The following ATP8A1 variants were observed in gnomAD, a reference collection of about 807,000 sequenced individuals.
ATP8A1 encodes the protein phospholipid-transporting ATPase IA.
A neutral mutation model predicts 177.7 loss-of-function variants in ATP8A1; 90 were observed. The observed-to-expected ratio is 0.51, with a 90% CI of 0.43 to 0.60. The LOEUF (loss-of-function observed/expected upper bound fraction) is 0.60. Ranked by LOEUF, ATP8A1 falls within the 20% of genes least tolerant of loss-of-function variation. The pLI, the probability that ATP8A1 is intolerant of heterozygous loss-of-function variation, is 0.00. For synonymous variants in ATP8A1, 493 were observed against 485.9 expected (o/e 1.01, Z -0.19); for missense variants, 1,072 against 1,392.8 (o/e 0.77, Z 3.67).
At chr4:42,462,317 T>C (rs1474550364) in intron 27 of ATP8A1, among the ~76,000 whole-genome samples, 2 of 152,074 alleles carry the variant, frequency 1.3e-5, no homozygotes, top group Admixed American at 1.3e-4. Flanking sequence ...AAGGAAAAAG[T>C]GGTTTTCTGG....
At chr4:42,555,244 C>T (rs1730084443) in intron 16 of ATP8A1, among the ~76,000 whole-genome samples, 1 of 150,502 alleles carries the variant, frequency 6.6e-6, no homozygotes, top group African/African-American at 2.5e-5. Context: ...CAGTCAGTAA[C>T]TTCATAAGCA....
At chr4:42,594,429 G>T in intron 6 of ATP8A1, 1 of 897,242 alleles carries the variant, frequency 1.1e-6, no homozygotes, top group Non-Finnish European at 1.8e-6. Flanking sequence ...ACAACCCATT[G>T]TAAAAAGCAT....
At chr4:42,511,616 A>G (rs1224072447) in intron 22 of ATP8A1, among the ~76,000 whole-genome samples, 1 of 152,206 alleles carries the variant, frequency 6.6e-6, no homozygotes, top group Non-Finnish European at 1.5e-5. Flanking sequence ...TTCCTAATGT[A>G]TGCAGAATTT....
chr4:42,606,030 C>T (rs752911763), intron 5 of ATP8A1, among the ~76,000 whole-genome samples: 1 of 152,184 alleles, frequency 6.6e-6, no homozygotes, highest in Non-Finnish European at 1.5e-5. Context: ...CATGGACATT[C>T]TTGTTTTTTC....
At chr4:42,415,182 TA>T (rs1341542522) in intron 35 of ATP8A1, 5 of 152,940 alleles carry the variant, frequency 3.3e-5, no homozygotes, top group African/African-American at 1.2e-4. Context: ...ATTTTTTAGT[TA>T]AAAATATTAA....
At chr4:42,556,463 T>C (rs1441865748) in intron 15 of ATP8A1, among the ~76,000 whole-genome samples, 4 of 152,196 alleles carry the variant, frequency 2.6e-5, no homozygotes, top group Admixed American at 6.5e-5. Context: ...GAGAAATCTT[T>C]ATATGTAGTG....
intron 11 of ATP8A1, among the ~76,000 whole-genome samples, chr4:42,578,719 A>T (rs1732722481): frequency 6.6e-6 from 1 of 152,166 alleles, no homozygotes; most frequent in African/African-American, 2.4e-5. Context: ...AATTGGGTAG[A>T]ATCACTTTTA....
chr4:42,414,801 T>C, intron 35 of ATP8A1, 83 bp from the exon 36 acceptor site: 5 of 998,754 alleles, frequency 5.0e-6, no homozygotes, highest in Non-Finnish European at 8.0e-6. Flanking sequence ...CAAAGAGAGT[T>C]AGACTTAAAC....
At chr4:42,457,663 C>A (rs540352388) in intron 27 of ATP8A1, among the ~76,000 whole-genome samples, 1 of 152,190 alleles carries the variant, frequency 6.6e-6, no homozygotes, top group Non-Finnish European at 1.5e-5. Flanking sequence ...TATATGTGGG[C>A]AAACATTAGT....
intron 25 of ATP8A1, among the ~76,000 whole-genome samples, chr4:42,476,746 G>T (rs1263759114): frequency 3.3e-5 from 5 of 152,210 alleles, no homozygotes; most frequent in African/African-American, 1.2e-4. Context: ...TTAAGGAAGG[G>T]TATCACAGGC....
chr4:42,501,193 A>G (rs1051610562), intron 24 of ATP8A1, among the ~76,000 whole-genome samples: 1 of 152,242 alleles, frequency 6.6e-6, no homozygotes, highest in African/African-American at 2.4e-5. Context: ...AAAGTAAAAG[A>G]TGAGGAAATA....
At chr4:42,472,051 G>C in intron 25 of ATP8A1, 1 of 720,226 alleles carries the variant, frequency 1.4e-6, no homozygotes, top group Non-Finnish European at 2.6e-6. Context: ...TGGCTAGTAC[G>C]TGAATTGGAG....
At chr4:42,573,626 T>G (rs1005508147) in intron 14 of ATP8A1, among the ~76,000 whole-genome samples, 1 of 152,218 alleles carries the variant, frequency 6.6e-6, no homozygotes, top group African/African-American at 2.4e-5. Flanking sequence ...TTTATAGTCA[T>G]TTTTAGTCAT....
intron 33 of ATP8A1, 46 bp from the exon 34 acceptor site, chr4:42,423,751 C>A: frequency 7.8e-7 from 1 of 1,277,302 alleles, no homozygotes; most frequent in Non-Finnish European, 1.1e-6. Flanking sequence ...CCAAAAAATA[C>A]ATGATTTGTG....
chr4:42,462,014 T>C (rs1181720182), intron 27 of ATP8A1, among the ~76,000 whole-genome samples: 3 of 152,026 alleles, frequency 2.0e-5, no homozygotes, highest in East Asian at 3.9e-4. Flanking sequence ...TGATTTAGAG[T>C]ATCTGGTGGA....
At chr4:42,523,660 T>C (rs114792219) in intron 21 of ATP8A1, among the ~76,000 whole-genome samples, 1,533 of 152,222 alleles carry the variant, frequency 0.01, 24 homozygotes, top group African/African-American at 0.035. Context: ...TTAAAATCTA[T>C]GAGTTGAGTA....
At chr4:42,591,706 T>C (rs1474782089) in intron 6 of ATP8A1, among the ~76,000 whole-genome samples, 1 of 152,166 alleles carries the variant, frequency 6.6e-6, no homozygotes, top group African/African-American at 2.4e-5. Flanking sequence ...ATTCATTATT[T>C]ATTAAATGCT....
At chr4:42,447,093 G>A (rs1560333831) in intron 30 of ATP8A1, among the ~76,000 whole-genome samples, 1 of 152,222 alleles carries the variant, frequency 6.6e-6, no homozygotes, top group Non-Finnish European at 1.5e-5. Context: ...TATGGTTTCA[G>A]GCATGTGGTT....
chr4:42,467,738 T>C (rs1022957446), intron 25 of ATP8A1, among the ~76,000 whole-genome samples: 1 of 152,140 alleles, frequency 6.6e-6, no homozygotes, highest in Non-Finnish European at 1.5e-5. Flanking sequence ...ATTGAAGACA[T>C]AATGGATTTC....
Sources: gnomAD v4.1 joint callset for allele counts (sites outside exome capture counted in the v4.1 genomes callset) on GRCh38, gnomAD v4.1.1 for gene constraint, MANE v1.5 for transcripts, NCBI Gene and HGNC (gene_info 2026-07-23, HGNC 2026-07-21) for gene names.